The following POU2AF2 variants were observed in gnomAD, a reference collection of about 807,000 sequenced individuals.
The protein encoded by POU2AF2 is POU domain class 2-associating factor 2.
chr11:111,282,410 A>G, the POU2AF2 span, among the ~76,000 whole-genome samples: 3 of 152,236 alleles, frequency 2.0e-5, no homozygotes, highest in Non-Finnish European at 4.4e-5. Context: ...TTTCAAATGC[A>G]TGAGCAGGTT....
chr11:111,261,751 A>G, the POU2AF2 span, among the ~76,000 whole-genome samples: 1 of 152,208 alleles, frequency 6.6e-6, no homozygotes, highest in East Asian at 1.9e-4. Context: ...TGCTCGGCTC[A>G]TTCATCAAAA....
the POU2AF2 span, among the ~76,000 whole-genome samples, chr11:111,282,569 A>G: frequency 6.6e-6 from 1 of 152,262 alleles, no homozygotes. Flanking sequence ...GAAAATGTAT[A>G]AGGCATGAGA....
At chr11:111,285,735 C>A in the POU2AF2 span, 3 of 1,613,604 alleles carry the variant, frequency 1.9e-6, no homozygotes, top group East Asian at 4.5e-5. Flanking sequence ...ACCTTGCCAC[C>A]CAGCACGAGT....
the POU2AF2 span, among the ~76,000 whole-genome samples, chr11:111,254,435 G>A: frequency 1.9e-4 from 29 of 152,282 alleles, no homozygotes; most frequent in African/African-American, 6.5e-4. Flanking sequence ...TTGTATCGGT[G>A]TTTTGTATGA....
chr11:111,276,357 G>T, the POU2AF2 span, among the ~76,000 whole-genome samples: 1 of 149,756 alleles, frequency 6.7e-6, no homozygotes, highest in South Asian at 2.1e-4. Flanking sequence ...CAGCACTTTG[G>T]GAGGCCAAGG....
the POU2AF2 span, among the ~76,000 whole-genome samples, chr11:111,270,750 T>C: frequency 6.6e-6 from 1 of 152,200 alleles, no homozygotes; most frequent in South Asian, 2.1e-4. Flanking sequence ...CTGGAAATTG[T>C]ACAGCATCCA....
the POU2AF2 span, among the ~76,000 whole-genome samples, chr11:111,264,494 AAG>A: frequency 1.4e-3 from 5 of 3,658 alleles, no homozygotes; most frequent in Admixed American, 5.3e-3. Flanking sequence ...AGACTCACGA[AAG>A]AAAGAAAGAA....
chr11:111,273,731 A>G, the POU2AF2 span, among the ~76,000 whole-genome samples: 591 of 152,314 alleles, frequency 3.9e-3, 6 homozygotes, highest in African/African-American at 0.014. Flanking sequence ...CTATAAATGT[A>G]CTCAAGGGAA....
At chr11:111,264,915 GAGAA>G in the POU2AF2 span, among the ~76,000 whole-genome samples, 5 of 115,478 alleles carry the variant, frequency 4.3e-5, no homozygotes, top group South Asian at 3.3e-4. Context: ...GGAAAAGAAA[GAGAA>G]AGAAAGAAGA....
chr11:111,281,149 C>G, the POU2AF2 span, among the ~76,000 whole-genome samples: 503 of 152,298 alleles, frequency 3.3e-3, 4 homozygotes, highest in African/African-American at 0.012. Flanking sequence ...GGATAAATTA[C>G]TACATTTCAT....
the POU2AF2 span, among the ~76,000 whole-genome samples, chr11:111,262,237 T>C: frequency 6.6e-6 from 1 of 152,212 alleles, no homozygotes; most frequent in African/African-American, 2.4e-5. Context: ...AGTACGTATT[T>C]GATGGGAAAT....
chr11:111,284,440 C>T, the POU2AF2 span: 1 of 1,494,636 alleles, frequency 6.7e-7, no homozygotes, highest in Non-Finnish European at 8.9e-7. Context: ...CTCTGGCCAG[C>T]CGCTGTGCTT....
chr11:111,271,184 G>A, the POU2AF2 span, among the ~76,000 whole-genome samples: 1 of 152,046 alleles, frequency 6.6e-6, no homozygotes, highest in Non-Finnish European at 1.5e-5. Context: ...TTAGCTGGAT[G>A]TGGTGGCAGA....
At chr11:111,256,701 G>T in the POU2AF2 span, among the ~76,000 whole-genome samples, 1 of 152,216 alleles carries the variant, frequency 6.6e-6, no homozygotes, top group Non-Finnish European at 1.5e-5. Flanking sequence ...CAGCAGGCGC[G>T]CCAGGAGCTC....
chr11:111,252,054 A>C, the POU2AF2 span, among the ~76,000 whole-genome samples: 1 of 152,242 alleles, frequency 6.6e-6, no homozygotes, highest in African/African-American at 2.4e-5. Flanking sequence ...TCAGATAAAA[A>C]TCATCAATTA....
the POU2AF2 span, among the ~76,000 whole-genome samples, chr11:111,272,192 A>G: frequency 6.6e-6 from 1 of 152,122 alleles, no homozygotes; most frequent in South Asian, 2.1e-4. Flanking sequence ...CCTTTTATCT[A>G]GCCTTCAGAA....
At chr11:111,265,057 A>G in the POU2AF2 span, among the ~76,000 whole-genome samples, 1 of 152,116 alleles carries the variant, frequency 6.6e-6, no homozygotes, top group Non-Finnish European at 1.5e-5. Flanking sequence ...AAGATGACCC[A>G]GGTGAGCAGT....
chr11:111,264,555 AGAAAGAAAGAAAGAAAGAAAGG>A, the POU2AF2 span, among the ~76,000 whole-genome samples: 3,824 of 71,544 alleles, frequency 0.053, 434 homozygotes, highest in Admixed American at 0.098. Context: ...AAAGAAAGAA[AGAAAGAAAGAAAGAAAGAAAGG>A]GAGAGAGAAA....
chr11:111,254,772 T>A, the POU2AF2 span, among the ~76,000 whole-genome samples: 1 of 152,238 alleles, frequency 6.6e-6, no homozygotes, highest in Non-Finnish European at 1.5e-5. Flanking sequence ...ATAATTTTGG[T>A]TATGTGCCTC....
Sources: gnomAD v4.1 joint callset for allele counts (sites outside exome capture counted in the v4.1 genomes callset) on GRCh38, gnomAD v4.1.1 for gene constraint, MANE v1.5 for transcripts, NCBI Gene and HGNC (gene_info 2026-07-23, HGNC 2026-07-21) for gene names.